Variants in SMYD3 observed in about 807,000 individuals in gnomAD.
SMYD3 encodes SET and MYND domain containing 3, also known as histone-lysine N-methyltransferase SMYD3.
A neutral mutation model predicts 57.7 loss-of-function variants in SMYD3; 36 were observed. The observed-to-expected ratio is 0.62, with a 90% CI of 0.48 to 0.82. SMYD3 has a LOEUF of 0.82. Ranked by LOEUF, SMYD3 falls within the 40% of genes least tolerant of loss-of-function variation. SMYD3 has a pLI of 0.00. For missense variants in SMYD3, 515 were observed against 538.8 expected, an observed-to-expected ratio of 0.96 and a Z score of 0.44; for synonymous variants, 211 against 195.0, an observed-to-expected ratio of 1.08 and a Z score of -0.68.
At chr1:246,445,415 G>T (rs958528133) in intron 1 of SMYD3, among the ~76,000 whole-genome samples, 1 of 152,116 alleles carries the variant, frequency 6.6e-6, no homozygotes, top group African/African-American at 2.4e-5. Context: ...CCCTAAAATT[G>T]CCTTCCATGA....
intron 5 of SMYD3, among the ~76,000 whole-genome samples, chr1:246,049,630 AAC>A (rs1327278877): frequency 6.6e-6 from 1 of 152,174 alleles, no homozygotes; most frequent in African/African-American, 2.4e-5. Flanking sequence ...AAACACAAAA[AAC>A]ACAGTATGTA....
intron 5 of SMYD3, among the ~76,000 whole-genome samples, chr1:246,001,083 C>T (rs961852323): frequency 1.6e-4 from 24 of 152,160 alleles, no homozygotes; most frequent in Admixed American, 5.9e-4. Context: ...CCTGCGCCCC[C>T]GACGAGGAGG....
At chr1:245,969,960 T>C (rs949196571) in intron 5 of SMYD3, among the ~76,000 whole-genome samples, 1 of 151,198 alleles carries the variant, frequency 6.6e-6, no homozygotes, top group Non-Finnish European at 1.5e-5. Flanking sequence ...TAGAAAGAAC[T>C]ACTTAAATTT....
intron 5 of SMYD3, among the ~76,000 whole-genome samples, chr1:246,325,408 T>C (rs2065333288): frequency 6.6e-6 from 1 of 152,046 alleles, no homozygotes; most frequent in South Asian, 2.1e-4. Context: ...CCATAGGTTA[T>C]TGGCTGCTTT....
In SMYD3 at chr1:246,355,182, G is replaced by A. The variant is rs2065892213; in HGVS notation, c.165-88C>T. On this transcript the variant is annotated intron_variant, in intron 1 of 11. Coordinates refer to ENST00000490107, the MANE Select transcript of SMYD3 (RefSeq NM_001167740.2). This position sits in a 1 kb window ranked among gnomAD's most constrained non-coding sequence, Gnocchi z 5.0. ...GAAAGAAAACATAAGTCAACATACGGACACCCGTATGTTCTGTTTACTCCA... is the reference window on the plus strand; with the variant it reads ...GAAAGAAAACATAAGTCAACATACGAACACCCGTATGTTCTGTTTACTCCA... 2 of 1,305,688 alleles carry A rather than the reference G, an allele frequency of 1.5e-6. No individual in the cohort carries two copies. The highest frequency in any genetic ancestry group is 1.7e-5 in the Admixed American group (1 of 57,864). The allele number at this position is 1,305,688 out of a possible 1,614,324, so 80.9% of individuals were successfully genotyped here.
At chr1:246,184,007 G>T (rs185351771) in intron 5 of SMYD3, among the ~76,000 whole-genome samples, 1 of 152,292 alleles carries the variant, frequency 6.6e-6, no homozygotes, top group East Asian at 1.9e-4. Context: ...AAGTAAAGCC[G>T]AAGGGCTTGA....
At chr1:246,136,375 C>A (rs2061665474) in intron 5 of SMYD3, among the ~76,000 whole-genome samples, 1 of 152,134 alleles carries the variant, frequency 6.6e-6, no homozygotes, top group South Asian at 2.1e-4. Context: ...AGGTAGACAC[C>A]TTAGACACCT....
At chr1:246,506,940 C>G in intron 1 of SMYD3, 114 bp downstream of exon 1, 1 of 1,007,262 alleles carries the variant, frequency 9.9e-7, no homozygotes, top group Non-Finnish European at 1.3e-6. Context: ...CGCCAAGCTG[C>G]CTGTGCAGCC....
chr1:246,126,637 T>C (rs2148049923), intron 5 of SMYD3, among the ~76,000 whole-genome samples: 1 of 152,370 alleles, frequency 6.6e-6, no homozygotes, highest in South Asian at 2.1e-4. Flanking sequence ...GTTACATTTA[T>C]AGGATTCTAT....
At chr1:246,334,075 A>T (rs2148670743) in intron 3 of SMYD3, among the ~76,000 whole-genome samples, 1 of 152,002 alleles carries the variant, frequency 6.6e-6, no homozygotes, top group Non-Finnish European at 1.5e-5. Context: ...AAAAAAACAC[A>T]TGCTGGTGAG....
chr1:245,982,893 C>T lies in SMYD3; in HGVS notation c.532-52956G>A, dbSNP rs148962705. 1.3e-3 allele frequency among the ~76,000 whole-genome samples: 195 copies of T among 152,302 alleles called. 1 individual carries two copies. The highest frequency in any genetic ancestry group is 4.6e-3 in the African/African-American group (190 of 41,568). On this transcript the variant is annotated intron_variant, in intron 5 of 11. Transcript: ENST00000490107. ...CTTTACACGAAACAAGAAACACTTG[C>T]AAAGCGGTTCAAATTCAAAGGTTCC...
At chr1:246,110,323 G>T (rs2061211337) in intron 5 of SMYD3, among the ~76,000 whole-genome samples, 1 of 152,182 alleles carries the variant, frequency 6.6e-6, no homozygotes, top group African/African-American at 2.4e-5. Flanking sequence ...AAGTCCCTAA[G>T]ATCCCCATTG....
At chr1:246,495,267 T>G (rs1399329645) in intron 1 of SMYD3, among the ~76,000 whole-genome samples, 2 of 140,094 alleles carry the variant, frequency 1.4e-5, no homozygotes, top group African/African-American at 5.4e-5. Flanking sequence ...GAGAATGGCA[T>G]GAACCCGGGA....
At chr1:246,112,111 C>A (rs1325117644) in intron 5 of SMYD3, among the ~76,000 whole-genome samples, 1 of 152,222 alleles carries the variant, frequency 6.6e-6, no homozygotes, top group Non-Finnish European at 1.5e-5. Flanking sequence ...CTCTGCCCTT[C>A]AGAGCAACCT....
At chr1:245,785,982 G>T (rs565771065) in intron 10 of SMYD3, among the ~76,000 whole-genome samples, 6 of 151,916 alleles carry the variant, frequency 3.9e-5, no homozygotes, top group South Asian at 2.1e-4. Flanking sequence ...TGAGATTACA[G>T]GTGTGAGCCA....
intron 5 of SMYD3, among the ~76,000 whole-genome samples, chr1:245,986,478 C>T (rs1319803672): frequency 6.6e-6 from 1 of 152,234 alleles, no homozygotes; most frequent in Non-Finnish European, 1.5e-5. Flanking sequence ...TTATAGATTA[C>T]TCACACAGCC....
intron 5 of SMYD3, among the ~76,000 whole-genome samples, chr1:246,247,062 C>A (rs1327480857): frequency 1.3e-5 from 2 of 152,018 alleles, no homozygotes; most frequent in Non-Finnish European, 2.9e-5. Context: ...CTTATTAGAC[C>A]TGAATGTTAC....
intron 8 of SMYD3, among the ~76,000 whole-genome samples, chr1:245,869,861 C>T (rs558600762): frequency 1.3e-5 from 2 of 152,260 alleles, no homozygotes; most frequent in African/African-American, 4.8e-5. Context: ...GCTTTCTTCC[C>T]GTTTGTCCTT....
At chr1:246,416,121 A>T (rs2067056850) in intron 1 of SMYD3, among the ~76,000 whole-genome samples, 1 of 152,212 alleles carries the variant, frequency 6.6e-6, no homozygotes, top group Non-Finnish European at 1.5e-5. Flanking sequence ...AACTTGATTT[A>T]ACTGTTCAAA....
Sources: allele counts gnomAD v4.1 joint callset (sites outside exome capture counted in the v4.1 genomes callset), GRCh38; gene constraint gnomAD v4.1.1; non-coding constraint Gnocchi (gnomAD v3.1); transcripts MANE v1.5; gene names NCBI Gene and HGNC (gene_info 2026-07-23, HGNC 2026-07-21).